Variants in AGMO observed in about 807,000 individuals in gnomAD.
AGMO encodes the protein glyceryl-ether monooxygenase.
AGMO carries 75 observed loss-of-function variants against 60.2 expected under a neutral mutation model. The ratio of observed to expected loss-of-function variants is 1.25; its 90% CI spans 1.03 to 1.51. The LOEUF (loss-of-function observed/expected upper bound fraction) is 1.51. Ranked by LOEUF, AGMO falls within the 40% of genes most tolerant of loss-of-function variation. The pLI is 0.00. For missense variants in AGMO, 763 were observed against 525.5 expected (o/e 1.45, Z -4.42); for synonymous variants, 261 against 177.1 (o/e 1.47, Z -3.76).
intron 5 of AGMO, among the ~76,000 whole-genome samples, chr7:15,406,537 CA>C: frequency 9.0e-6 from 1 of 111,196 alleles, no homozygotes; most frequent in African/African-American, 3.4e-5. Context: ...TCAGAAGACT[CA>C]AAAGGCCCCT....
intron 12 of AGMO, among the ~76,000 whole-genome samples, chr7:15,268,751 TAAGA>T (rs1783509048): frequency 6.6e-6 from 1 of 151,874 alleles, no homozygotes; most frequent in Non-Finnish European, 1.5e-5. Context: ...TGGGGGAATA[TAAGA>T]GAGAGGGATG....
chr7:15,510,297 C>G (rs1019494490), intron 3 of AGMO, among the ~76,000 whole-genome samples: 2 of 152,010 alleles, frequency 1.3e-5, no homozygotes, highest in African/African-American at 4.8e-5. Flanking sequence ...TCCCTAGTAG[C>G]TAGGACTATA....
chr7:15,557,015 C>G (rs537660016), intron 2 of AGMO, among the ~76,000 whole-genome samples: 1 of 151,908 alleles, frequency 6.6e-6, no homozygotes, highest in African/African-American at 2.4e-5. Flanking sequence ...TATTGTCCAT[C>G]GTTAATATTT....
At chr7:15,345,737 CATT>C (rs1264884750) in intron 12 of AGMO, among the ~76,000 whole-genome samples, 1 of 152,094 alleles carries the variant, frequency 6.6e-6, no homozygotes, top group Non-Finnish European at 1.5e-5. Flanking sequence ...AAGGAGTCAA[CATT>C]ATTATCTGCA....
At chr7:15,459,332 AGTGATGCAGTGAGAAAAGGTG>A (rs1212428291) in intron 3 of AGMO, among the ~76,000 whole-genome samples, 11 of 152,288 alleles carry the variant, frequency 7.2e-5, no homozygotes, top group Middle Eastern at 3.4e-3. Flanking sequence ...AAACAGCGTA[AGTGATGCAGTGAGAAAAGGTG>A]CTTCTGGGCA....
intron 3 of AGMO, among the ~76,000 whole-genome samples, chr7:15,469,164 C>G (rs1459472456): frequency 6.6e-6 from 1 of 151,956 alleles, no homozygotes; most frequent in African/African-American, 2.4e-5. Flanking sequence ...GCAATCTAGA[C>G]CAATCTCACA....
intron 3 of AGMO, among the ~76,000 whole-genome samples, chr7:15,438,541 C>T (rs773345323): frequency 2.8e-4 from 42 of 152,188 alleles, no homozygotes; most frequent in Non-Finnish European, 4.3e-4. Flanking sequence ...GATAGGTTTA[C>T]GGAACTGTTT....
At chr7:15,420,125 T>G (rs1780886990) in intron 4 of AGMO, among the ~76,000 whole-genome samples, 1 of 152,130 alleles carries the variant, frequency 6.6e-6, no homozygotes, top group South Asian at 2.1e-4. Flanking sequence ...AGATGAATAT[T>G]TATAGTTCAT....
intron 12 of AGMO, among the ~76,000 whole-genome samples, chr7:15,242,059 C>T (rs1300048153): frequency 6.6e-6 from 1 of 152,104 alleles, no homozygotes; most frequent in Non-Finnish European, 1.5e-5. Flanking sequence ...TGTTACCAGA[C>T]AGAGAAAACC....
intron 12 of AGMO, among the ~76,000 whole-genome samples, chr7:15,322,473 TAA>T (rs368735123): frequency 1.6e-4 from 17 of 104,844 alleles, no homozygotes; most frequent in Middle Eastern, 4.9e-3. Context: ...TATAAATATA[TAA>T]ATATATATAT....
At chr7:15,331,192 G>A (rs115405702) in intron 12 of AGMO, among the ~76,000 whole-genome samples, 4,992 of 152,170 alleles carry the variant, frequency 0.033, 100 homozygotes, top group South Asian at 0.053. Context: ...AAATGACTTC[G>A]TCCCCAGGCA....
chr7:15,455,183 T>C (rs1178149625), intron 3 of AGMO, among the ~76,000 whole-genome samples: 1 of 152,034 alleles, frequency 6.6e-6, no homozygotes, highest in Non-Finnish European at 1.5e-5. Context: ...ATGAAATGTA[T>C]ACATTTTTGT....
At chr7:15,516,921 A>G (rs1300184952) in intron 3 of AGMO, among the ~76,000 whole-genome samples, 1 of 152,144 alleles carries the variant, frequency 6.6e-6, no homozygotes, top group African/African-American at 2.4e-5. Context: ...GAATAAAGAG[A>G]AAGAGTCTCC....
At chr7:15,294,000 A>C (rs748967292) in intron 12 of AGMO, among the ~76,000 whole-genome samples, 1 of 152,136 alleles carries the variant, frequency 6.6e-6, no homozygotes, top group Non-Finnish European at 1.5e-5. Flanking sequence ...TTTATAGCTT[A>C]ACAGTGACTA....
intron 3 of AGMO, among the ~76,000 whole-genome samples, chr7:15,459,760 A>C (rs1782096585): frequency 1.3e-5 from 2 of 152,078 alleles, no homozygotes; most frequent in Non-Finnish European, 2.9e-5. Context: ...GTTTAAACTA[A>C]ATGATAAAAA....
chr7:15,481,831 T>A (rs546059961), intron 3 of AGMO, among the ~76,000 whole-genome samples: 178 of 147,696 alleles, frequency 1.2e-3, no homozygotes, highest in African/African-American at 4.0e-3. Flanking sequence ...GGTTAATGCA[T>A]TTCAAAAGAT....
At chr7:15,132,628 C>T in the AGMO span, among the ~76,000 whole-genome samples, 1 of 152,060 alleles carries the variant, frequency 6.6e-6, no homozygotes, top group Non-Finnish European at 1.5e-5. Context: ...GATTTAACAA[C>T]ATGGAGGCAA....
intron 12 of AGMO, among the ~76,000 whole-genome samples, chr7:15,282,655 A>G (rs1217089092): frequency 6.6e-6 from 1 of 152,224 alleles, no homozygotes; most frequent in Non-Finnish European, 1.5e-5. Flanking sequence ...AAAACATTGG[A>G]AAACTTATTT....
intron 12 of AGMO, among the ~76,000 whole-genome samples, chr7:15,229,853 AG>A (rs1225619836): frequency 6.6e-6 from 1 of 150,778 alleles, no homozygotes; most frequent in African/African-American, 2.4e-5. Flanking sequence ...TTGATACTGT[AG>A]AATTCAAAAT....
Sources: gnomAD v4.1 joint callset for allele counts (sites outside exome capture counted in the v4.1 genomes callset) on GRCh38, gnomAD v4.1.1 for gene constraint, MANE v1.5 for transcripts, NCBI Gene and HGNC (gene_info 2026-07-23, HGNC 2026-07-21) for gene names.